PTPRK: variants seen among roughly 807,000 people sequenced by gnomAD.
PTPRK encodes receptor-type tyrosine-protein phosphatase kappa.
In PTPRK, 75 loss-of-function variants were observed where a neutral mutation model predicts 178.0. The observed-to-expected ratio is 0.42, with a 90% confidence interval of 0.35 to 0.51. PTPRK has a LOEUF of 0.51. PTPRK is among the 20% of genes least tolerant of loss of function. PTPRK has a pLI of 0.02. For synonymous variants in PTPRK, 637 were observed against 620.6 expected, an observed-to-expected ratio of 1.03 and a Z score of -0.39; for missense variants, 1,441 against 1,797.8, an observed-to-expected ratio of 0.80 and a Z score of 3.59.
At chr6:128,359,178 C>T (rs1265077083) in intron 2 of PTPRK, among the ~76,000 whole-genome samples, 2 of 151,554 alleles carry the variant, frequency 1.3e-5, no homozygotes, top group Non-Finnish European at 2.9e-5. Context: ...CCACCAGGTA[C>T]GGTGGCTCAC....
intron 6 of PTPRK, among the ~76,000 whole-genome samples, chr6:128,214,707 G>A (rs545256525): frequency 3.7e-4 from 57 of 152,208 alleles, no homozygotes; most frequent in African/African-American, 1.3e-3. Flanking sequence ...ACTACAAAGT[G>A]AAGAATTGGA....
At chr6:128,243,488 T>TAAAAAAAAAAAAAAA (rs760606919) in intron 3 of PTPRK, among the ~76,000 whole-genome samples, 71 of 59,014 alleles carry the variant, frequency 1.2e-3, no homozygotes, top group Non-Finnish European at 2.0e-3. Flanking sequence ...AGCCTGTCGC[T>TAAAAAAAAAAAAAAA]AAAAAAAAAA....
chr6:128,185,710 T>C (rs1270073299), intron 6 of PTPRK, among the ~76,000 whole-genome samples: 1 of 152,090 alleles, frequency 6.6e-6, no homozygotes, highest in Non-Finnish European at 1.5e-5. Flanking sequence ...ACATAAACTA[T>C]TAAAACACAA....
At chr6:128,007,201 C>T (rs1778537806) in intron 14 of PTPRK, among the ~76,000 whole-genome samples, 1 of 150,896 alleles carries the variant, frequency 6.6e-6, no homozygotes, top group Admixed American at 6.6e-5. Context: ...ACATGTGTGA[C>T]ACGCTACATA....
chr6:128,005,995 T>C (rs551905812), intron 14 of PTPRK: 22 of 1,503,572 alleles, frequency 1.5e-5, no homozygotes, highest in Non-Finnish European at 1.9e-5. Flanking sequence ...TTAACACACG[T>C]AAAGTTGTAC....
At chr6:128,422,704 A>AAAC (rs35373652) in intron 1 of PTPRK, among the ~76,000 whole-genome samples, 2 of 141,230 alleles carry the variant, frequency 1.4e-5, no homozygotes, top group African/African-American at 2.8e-5. Context: ...AAAAAAAAAA[A>AAAC]CCTGAGCATT....
chr6:128,034,259 G>A (rs916914310), intron 13 of PTPRK, among the ~76,000 whole-genome samples: 2 of 152,192 alleles, frequency 1.3e-5, no homozygotes, highest in Non-Finnish European at 2.9e-5. Flanking sequence ...AGCTAAGGCA[G>A]CCCAATCAAC....
chr6:128,097,024 T>C (rs555252093), intron 7 of PTPRK, among the ~76,000 whole-genome samples: 41 of 152,274 alleles, frequency 2.7e-4, no homozygotes, highest in African/African-American at 9.9e-4. Context: ...AGGTTTTACA[T>C]TTCACTTCTT....
intron 13 of PTPRK, among the ~76,000 whole-genome samples, chr6:128,063,191 G>A (rs1781161195): frequency 6.6e-6 from 1 of 152,118 alleles, no homozygotes; most frequent in South Asian, 2.1e-4. Context: ...GTGTAGCAGA[G>A]CTGGATTATT....
At chr6:128,475,982 C>A (rs1851324809) in intron 1 of PTPRK, among the ~76,000 whole-genome samples, 1 of 152,008 alleles carries the variant, frequency 6.6e-6, no homozygotes. Context: ...AGTCTTTGAA[C>A]TCAGCACTTA....
chr6:128,218,965 T>G lies in PTPRK; in HGVS notation c.825A>C (p.Glu275Asp). 1 of 1,614,072 alleles carries G rather than the reference T, an allele frequency of 6.2e-7. No homozygotes were observed. Among genetic ancestry groups the G allele is most frequent in the Non-Finnish European group, 8.5e-7 (1 of 1,179,972 alleles). ...CAAAATTGGACACACCGGAACCTCGTTCTGACTGAGTTACACAGCGATACA... is the reference window on the plus strand; with the variant it reads ...CAAAATTGGACACACCGGAACCTCGGTCTGACTGAGTTACACAGCGATACA... ...QDLYRCVTQS[E>D]RGSGVSNFAQ... The change falls in exon 6 of 30, where the codon GAA (glutamate) becomes GAC (aspartate). Residue 275 changes from glutamate (E) to aspartate (D), a missense_variant. Coordinates refer to ENST00000368226, the MANE Select transcript of PTPRK (RefSeq NM_002844.4).
intron 7 of PTPRK, among the ~76,000 whole-genome samples, chr6:128,140,845 CTAATATCCCTTAA>C (rs1250159785): frequency 6.6e-6 from 1 of 151,898 alleles, no homozygotes; most frequent in African/African-American, 2.4e-5. Context: ...TAGGAATGAT[CTAATATCCCTTAA>C]ATGTGGAGGA....
At chr6:128,207,381 G>T (rs1048039578) in intron 6 of PTPRK, among the ~76,000 whole-genome samples, 9 of 152,242 alleles carry the variant, frequency 5.9e-5, no homozygotes, top group African/African-American at 2.2e-4. Flanking sequence ...CTACTGTTCA[G>T]AAAAGACTAT....
At chr6:128,269,520 TA>T (rs113312853) in intron 3 of PTPRK, among the ~76,000 whole-genome samples, 6,091 of 141,556 alleles carry the variant, frequency 0.043, 359 homozygotes, top group African/African-American at 0.14. Context: ...AAAATAAATT[TA>T]AAAAAAAAAA....
At chr6:128,477,035 T>G (rs1282439097) in intron 1 of PTPRK, among the ~76,000 whole-genome samples, 1 of 152,054 alleles carries the variant, frequency 6.6e-6, no homozygotes, top group Non-Finnish European at 1.5e-5. Flanking sequence ...CCAAATTTTA[T>G]GAAGAAGTCA....
At chr6:128,103,471 C>T (rs1376520112) in intron 7 of PTPRK, among the ~76,000 whole-genome samples, 3 of 152,162 alleles carry the variant, frequency 2.0e-5, no homozygotes, top group African/African-American at 4.8e-5. Flanking sequence ...CAGGCACCCA[C>T]CCCTAGTTGC....
chr6:128,379,299 A>T (rs1366859277), intron 2 of PTPRK, among the ~76,000 whole-genome samples: 2 of 152,156 alleles, frequency 1.3e-5, no homozygotes, highest in Non-Finnish European at 2.9e-5. Context: ...CACTGCCATG[A>T]ACCATGTGAT....
chr6:128,117,164 A>T (rs1431166383), intron 7 of PTPRK, among the ~76,000 whole-genome samples: 1 of 152,104 alleles, frequency 6.6e-6, no homozygotes, highest in East Asian at 1.9e-4. Flanking sequence ...AAAATAAAAA[A>T]TAAAAATAAA....
At chr6:128,240,262 A>G (rs925189447) in intron 4 of PTPRK, 112 bp from the exon 5 acceptor site, 2 of 773,948 alleles carry the variant, frequency 2.6e-6, no homozygotes, top group African/African-American at 3.5e-5. Context: ...GGCCAAGACT[A>G]ACATCAGAAA....
Sources: allele counts gnomAD v4.1 joint callset (sites outside exome capture counted in the v4.1 genomes callset), GRCh38; gene constraint gnomAD v4.1.1; transcripts MANE v1.5; gene names NCBI Gene and HGNC (gene_info 2026-07-23, HGNC 2026-07-21).